C4orf50: variants seen among roughly 807,000 people sequenced by gnomAD.
C4orf50 encodes uncharacterized protein C4orf50.
A neutral mutation model predicts 77.2 loss-of-function variants in C4orf50; 80 were observed. The ratio of observed to expected loss-of-function variants is 1.04; its 90% confidence interval spans 0.87 to 1.25. The LOEUF (loss-of-function observed/expected upper bound fraction) is 1.25. Ranked by LOEUF, C4orf50 falls within the 50% of genes most tolerant of loss-of-function variation. The probability of loss-of-function intolerance (pLI) is 0.00; values close to 1 mark genes in which losing one functional copy is unlikely to be tolerated. For missense variants in C4orf50, 1,257 were observed against 1,152.9 expected, an observed-to-expected ratio of 1.09 and a Z score of -1.31; for synonymous variants, 532 against 465.3, an observed-to-expected ratio of 1.14 and a Z score of -1.84.
At chr4:5,998,178 C>T (rs1173929060) in intron 25 of C4orf50, among the ~76,000 whole-genome samples, 2 of 152,206 alleles carry the variant, frequency 1.3e-5, no homozygotes, top group Non-Finnish European at 2.9e-5. Flanking sequence ...CACACGGCTG[C>T]AGGCCCTTTT....
At chr4:5,986,928 C>T (rs929186765) in intron 28 of C4orf50, among the ~76,000 whole-genome samples, 7 of 152,128 alleles carry the variant, frequency 4.6e-5, no homozygotes, top group African/African-American at 1.7e-4. Flanking sequence ...TATTCCTTAC[C>T]TCTAATCCTT....
Position 5,959,370 on chromosome 4 carries a change from C to T in C4orf50, c.*5G>A, listed in dbSNP as rs763609768. 5.0e-6 allele frequency: 8 copies of T among 1,612,078 alleles called. No homozygotes were observed. In the African/African-American group the frequency reaches 1.1e-4, roughly 22 times the overall value. Reference sequence around the variant, plus strand: ...TGAAATGGCTCCGGAGAATGAGTGGCCCTATTACATTTCTAACTCCAGCGG... The same window carrying T: ...TGAAATGGCTCCGGAGAATGAGTGGTCCTATTACATTTCTAACTCCAGCGG... On this transcript the variant is annotated 3_prime_UTR_variant, in exon 34 of 34. Transcript: ENST00000531445.
At chr4:5,962,726 G>C (rs977636666) in intron 33 of C4orf50, among the ~76,000 whole-genome samples, 1 of 152,250 alleles carries the variant, frequency 6.6e-6, no homozygotes, top group Non-Finnish European at 1.5e-5. Flanking sequence ...TTTCTCACAG[G>C]TTAAGTGGAG....
intron 25 of C4orf50, among the ~76,000 whole-genome samples, chr4:5,995,678 G>A (rs1332934762): frequency 6.6e-6 from 1 of 152,160 alleles, no homozygotes; most frequent in Non-Finnish European, 1.5e-5. Flanking sequence ...AGAGAACTTG[G>A]CTTCATTCTG....
intron 7 of C4orf50, among the ~76,000 whole-genome samples, chr4:5,922,662 G>T (rs1224887014): frequency 6.6e-6 from 1 of 152,212 alleles, no homozygotes; most frequent in Non-Finnish European, 1.5e-5. Context: ...ATGAGGGCAG[G>T]AGAAGGGTTG....
chr4:6,012,694 G>A (rs1453109631), intron 23 of C4orf50, among the ~76,000 whole-genome samples: 2 of 152,190 alleles, frequency 1.3e-5, no homozygotes, highest in Non-Finnish European at 2.9e-5. Flanking sequence ...AACCCAGACT[G>A]GATGTGAACC....
chr4:6,014,841 G>A (rs1437553756), intron 23 of C4orf50, among the ~76,000 whole-genome samples: 1 of 152,112 alleles, frequency 6.6e-6, no homozygotes, highest in Admixed American at 6.5e-5. Context: ...GCAAGATGGT[G>A]TACCCCATCT....
chr4:5,994,949 C>T (rs186806804), intron 25 of C4orf50, among the ~76,000 whole-genome samples: 34 of 152,260 alleles, frequency 2.2e-4, no homozygotes, highest in Admixed American at 1.8e-3. Context: ...ACTGCGTAAG[C>T]GAGAGATCTA....
At chr4:5,945,776 G>A (rs1426247444) in intron 7 of C4orf50, among the ~76,000 whole-genome samples, 2 of 152,168 alleles carry the variant, frequency 1.3e-5, no homozygotes, top group Non-Finnish European at 2.9e-5. Context: ...CTGGGCCCTG[G>A]GCTGGGCTGG....
At chr4:6,004,347 G>T (rs1560599131) in intron 25 of C4orf50, among the ~76,000 whole-genome samples, 1 of 116,476 alleles carries the variant, frequency 8.6e-6, no homozygotes. Context: ...TGATGGTGAT[G>T]ATGACGGTGA....
At chr4:5,978,980 G>A (rs547843273) in intron 29 of C4orf50, among the ~76,000 whole-genome samples, 1 of 152,298 alleles carries the variant, frequency 6.6e-6, no homozygotes, top group East Asian at 1.9e-4. Context: ...GAGAAGAGCT[G>A]GAAATTATAC....
downstream of C4orf50, among the ~76,000 whole-genome samples, chr4:5,953,107 C>T (rs960077887): frequency 2.0e-5 from 3 of 152,112 alleles, no homozygotes; most frequent in African/African-American, 7.2e-5. Context: ...AGTTCTTCCT[C>T]CTCCTGCCAT....
rs1392405368 is a variant in C4orf50, at chr4:6,017,077, A to C, written c.287+1068T>G. Reference sequence around the variant, plus strand: ...AGGAAAGAAGATGGGCTTTAGAGAAAGACCTGGATTCAAACGCCCCACCTT... The same window carrying C: ...AGGAAAGAAGATGGGCTTTAGAGAACGACCTGGATTCAAACGCCCCACCTT... On this transcript the variant is annotated intron_variant, in intron 23 of 33. Coordinates refer to ENST00000531445, the Ensembl canonical transcript of C4orf50. This position sits in a 1 kb window ranked among gnomAD's most constrained non-coding sequence, Gnocchi z 4.7. Among the ~76,000 whole-genome samples the C allele has an allele frequency of 6.6e-6, 1 of 152,236 alleles. No homozygotes were observed. Among genetic ancestry groups the C allele is most frequent in the Non-Finnish European group, 1.5e-5 (1 of 68,030 alleles).
downstream of C4orf50, among the ~76,000 whole-genome samples, chr4:5,955,914 A>G (rs1718938283): frequency 1.3e-5 from 2 of 152,172 alleles, no homozygotes; most frequent in Non-Finnish European, 2.9e-5. This position sits in a 1 kb window ranked among gnomAD's most constrained non-coding sequence, Gnocchi z 5.1. Context: ...GGCACCCCCA[A>G]GCTCTGCAAG....
rs35111334 is a variant in C4orf50 at position 5,970,148 on chromosome 4, G to GA, written c.4105-2687dup. ...CAGCGTAGGTCCAGGCAAAACACAG[G>GA]AAAAAAAAAAAAAGGCCCACTGGGG... On this transcript the variant is annotated intron_variant, in intron 31 of 33. Transcript: ENST00000531445. The surrounding 1 kb of genome is among the most constrained non-coding windows in gnomAD (Gnocchi z 4.3). Among the ~76,000 whole-genome samples the GA allele has an allele frequency of 0.053, 7,634 of 143,884 alleles. 494 individuals are homozygous for GA. The highest frequency in any genetic ancestry group is 0.16 in the African/African-American group (6,208 of 38,856). The allele number at this position is 143,884 out of a possible 152,430, so 94.4% of individuals were successfully genotyped here.
At chr4:5,995,447 G>T (rs955496091) in intron 25 of C4orf50, among the ~76,000 whole-genome samples, 3 of 148,852 alleles carry the variant, frequency 2.0e-5, no homozygotes, top group Admixed American at 6.8e-5. Flanking sequence ...CTTCCTCCCT[G>T]CCACAGGGGA....
intron 25 of C4orf50, among the ~76,000 whole-genome samples, chr4:5,998,899 T>C (rs923361600): frequency 2.6e-5 from 4 of 152,228 alleles, no homozygotes; most frequent in Non-Finnish European, 5.9e-5. Context: ...TCTTACTTCC[T>C]TTTACCCTGA....
chr4:5,998,322 G>A (rs1046647151), intron 25 of C4orf50, among the ~76,000 whole-genome samples: 2 of 151,880 alleles, frequency 1.3e-5, no homozygotes, highest in African/African-American at 2.4e-5. Context: ...TACATTATTT[G>A]CATGTTCATC....
At chr4:5,918,084 G>A (rs539507349) in intron 7 of C4orf50, among the ~76,000 whole-genome samples, 1 of 152,276 alleles carries the variant, frequency 6.6e-6, no homozygotes, top group South Asian at 2.1e-4. Context: ...TCTGCTGTCA[G>A]GAAGCTCCGG....
Sources: allele counts gnomAD v4.1 joint callset (sites outside exome capture counted in the v4.1 genomes callset), GRCh38; gene constraint gnomAD v4.1.1; non-coding constraint Gnocchi (gnomAD v3.1); transcripts MANE v1.5; gene names NCBI Gene and HGNC (gene_info 2026-07-23, HGNC 2026-07-21).